The following ATP9A variants were observed in gnomAD, a reference collection of about 807,000 sequenced individuals.
The protein encoded by ATP9A is probable phospholipid-transporting ATPase IIA.
A neutral mutation model predicts 144.1 loss-of-function variants in ATP9A; 52 were observed. The observed-to-expected ratio is 0.36, with a 90% CI of 0.29 to 0.45. ATP9A has a LOEUF of 0.45. ATP9A is among the 20% of genes least tolerant of loss of function. ATP9A has a pLI of 1.00. For synonymous variants in ATP9A, 582 were observed against 557.4 expected (o/e 1.04, Z -0.62); for missense variants, 947 against 1,392.7 (o/e 0.68, Z 5.09).
At chr20:51,665,253 G>T (rs77185179) in intron 13 of ATP9A, among the ~76,000 whole-genome samples, 2 of 145,274 alleles carry the variant, frequency 1.4e-5, no homozygotes, top group Admixed American at 7.0e-5. Flanking sequence ...GAGCAGGGGG[G>T]TTTGGGAACT....
chr20:51,613,283 G>A (rs886317027), intron 23 of ATP9A, among the ~76,000 whole-genome samples: 1 of 152,152 alleles, frequency 6.6e-6, no homozygotes, highest in African/African-American at 2.4e-5. Context: ...TTAACTCTGC[G>A]TCTTTCACTC....
At chr20:51,748,948 T>TAGATAGATAGATAGAC (rs765791447) in intron 1 of ATP9A, among the ~76,000 whole-genome samples, 159 of 137,894 alleles carry the variant, frequency 1.2e-3, no homozygotes, top group Admixed American at 1.5e-3. Flanking sequence ...GATAGATAGA[T>TAGATAGATAGATAGAC]AGACAGACAG....
chr20:51,630,741 G>A (rs932763094), intron 15 of ATP9A, among the ~76,000 whole-genome samples: 2 of 152,108 alleles, frequency 1.3e-5, no homozygotes, highest in Non-Finnish European at 2.9e-5. Flanking sequence ...AATGCGCCAT[G>A]CTGACTTCTG....
intron 17 of ATP9A, among the ~76,000 whole-genome samples, chr20:51,626,639 G>A (rs1024311387): frequency 3.3e-5 from 5 of 151,380 alleles, no homozygotes; most frequent in African/African-American, 7.3e-5. Flanking sequence ...GCGAGACCCC[G>A]TCTCAGAATA....
At position 51,644,267 on chromosome 20, in the gene ATP9A, C is replaced by CTTTTTTCTTTTTTTTTTTTTTTTTTTTT. The variant is rs2077332368; in HGVS notation, c.1507-4764_1507-4763insAAAAAAAAAAAAAAAAAAAAAGAAAAAA. The stretch of plus-strand genomic sequence containing the variant: ...AATTACTTCTAGCTTTTACTTCTAG[C>CTTTTTTCTTTTTTTTTTTTTTTTTTTTT]TTTTTTTTTTTTTTTTTTTTTTTGA... On this transcript the variant is annotated intron_variant, in intron 14 of 27. Coordinates refer to ENST00000338821, the MANE Select transcript of ATP9A (RefSeq NM_006045.3). 5.3e-5 allele frequency among the ~76,000 whole-genome samples: 4 copies of CTTTTTTCTTTTTTTTTTTTTTTTTTTTT among 76,000 alleles called. 2 individuals are homozygous for CTTTTTTCTTTTTTTTTTTTTTTTTTTTT. The allele number at this position is 76,000 out of a possible 152,430, so 49.9% of individuals were successfully genotyped here.
intron 15 of ATP9A, 133 bp from the exon 16 acceptor site, chr20:51,629,205 T>A (rs2077261444): frequency 3.3e-6 from 2 of 601,536 alleles, no homozygotes; most frequent in African/African-American, 1.8e-5. Flanking sequence ...TGGCTGAAGA[T>A]GAAAAGCGAG....
At chr20:51,747,115 T>TTC (rs1491154962) in intron 1 of ATP9A, among the ~76,000 whole-genome samples, 4 of 140,502 alleles carry the variant, frequency 2.8e-5, no homozygotes, top group Admixed American at 1.4e-4. Flanking sequence ...TTTTTTTTTT[T>TTC]CCTGTTTAAC....
chr20:51,720,884 T>C (rs2077686030), intron 3 of ATP9A, among the ~76,000 whole-genome samples: 1 of 152,048 alleles, frequency 6.6e-6, no homozygotes, highest in Non-Finnish European at 1.5e-5. Context: ...TATCAGTGCT[T>C]AAAGGCGCAG....
chr20:51,764,083 T>G (rs1439184898), intron 1 of ATP9A, among the ~76,000 whole-genome samples: 1 of 152,224 alleles, frequency 6.6e-6, no homozygotes, highest in Non-Finnish European at 1.5e-5. Flanking sequence ...TAAGGCATAC[T>G]GAGCACTTAT....
chr20:51,615,266 G>A (rs1601057485), intron 22 of ATP9A, among the ~76,000 whole-genome samples: 2 of 152,170 alleles, frequency 1.3e-5, no homozygotes, highest in African/African-American at 4.8e-5. Flanking sequence ...TGGCCAAAGT[G>A]AAGGGTAGAT....
At chr20:51,694,731 T>C (rs2077563353) in intron 6 of ATP9A, among the ~76,000 whole-genome samples, 1 of 152,222 alleles carries the variant, frequency 6.6e-6, no homozygotes, top group Admixed American at 6.5e-5. Flanking sequence ...GGTGTATCTT[T>C]CAGTCTGACA....
At chr20:51,623,966 G>A (rs984364346) in intron 18 of ATP9A, among the ~76,000 whole-genome samples, 5 of 152,014 alleles carry the variant, frequency 3.3e-5, no homozygotes, top group African/African-American at 9.7e-5. Context: ...AAAATATCTC[G>A]TCTTGGGCTA....
chr20:51,661,878 A>T (rs2077412329), intron 13 of ATP9A, among the ~76,000 whole-genome samples: 1 of 152,178 alleles, frequency 6.6e-6, no homozygotes, highest in Non-Finnish European at 1.5e-5. Flanking sequence ...TTTAGAGCAG[A>T]CATCATCTGC....
chr20:51,616,981 G>A (rs2077205707), intron 22 of ATP9A, among the ~76,000 whole-genome samples: 1 of 135,252 alleles, frequency 7.4e-6, no homozygotes, highest in South Asian at 2.3e-4. Flanking sequence ...TTGTTCTGTT[G>A]CCCAGGCTGG....
At chr20:51,716,582 G>A (rs1026948457) in intron 3 of ATP9A, among the ~76,000 whole-genome samples, 4 of 152,040 alleles carry the variant, frequency 2.6e-5, no homozygotes, top group African/African-American at 9.7e-5. Flanking sequence ...GAGCCCAGGA[G>A]GCAGAGATTG....
intron 1 of ATP9A, among the ~76,000 whole-genome samples, chr20:51,746,489 A>G (rs2077808747): frequency 6.6e-6 from 1 of 151,680 alleles, no homozygotes; most frequent in African/African-American, 2.4e-5. Context: ...ACCTGAGGTC[A>G]GGAGTTCAGG....
At chr20:51,627,520 T>A (rs182715410) in intron 17 of ATP9A, 80 bp downstream of exon 17, 2 of 1,297,324 alleles carry the variant, frequency 1.5e-6, no homozygotes, top group Non-Finnish European at 2.2e-6. Flanking sequence ...ATGGCTCGCA[T>A]AGGATGAGGG....
At chr20:51,602,555 A>G (rs2077147342) in intron 27 of ATP9A, among the ~76,000 whole-genome samples, 1 of 152,174 alleles carries the variant, frequency 6.6e-6, no homozygotes. Flanking sequence ...TTAAAACTCC[A>G]CTGTTCACAG....
intron 1 of ATP9A, among the ~76,000 whole-genome samples, chr20:51,745,741 A>G (rs554247684): frequency 1.3e-5 from 2 of 152,248 alleles, no homozygotes; most frequent in South Asian, 4.1e-4. Context: ...TGATGATGGA[A>G]TCATTCTATA....
Sources: gnomAD v4.1 joint callset for allele counts (sites outside exome capture counted in the v4.1 genomes callset) on GRCh38, gnomAD v4.1.1 for gene constraint, MANE v1.5 for transcripts, NCBI Gene and HGNC (gene_info 2026-07-23, HGNC 2026-07-21) for gene names.